NELFB: variants seen among roughly 807,000 people sequenced by gnomAD.
NELFB encodes the protein negative elongation factor B.
NELFB carries 34 observed loss-of-function variants against 60.2 expected under a neutral mutation model. That is an observed-to-expected ratio of 0.56 (90% confidence interval 0.43 to 0.75). The LOEUF (loss-of-function observed/expected upper bound fraction) is 0.75. Among genes scored for constraint, NELFB ranks in the 30% least tolerant of loss-of-function variants. The pLI is 0.00. For synonymous variants in NELFB, 459 were observed against 382.1 expected, an observed-to-expected ratio of 1.20 and a Z score of -2.35; for missense variants, 770 against 831.6, an observed-to-expected ratio of 0.93 and a Z score of 0.91.
intron 4 of NELFB, 115 bp downstream of exon 4, chr9:137,257,169 C>A: frequency 1.1e-6 from 1 of 902,802 alleles, no homozygotes; most frequent in Non-Finnish European, 1.7e-6. Flanking sequence ...GGTGGTTCTG[C>A]TTCTTGGCTG....
chr9:137,273,081 C>T lies in NELFB; in HGVS notation c.*153C>T. ...CCGTCATGGCCCCCTGCTTCCTGCTCCTTGGAGCTGGCTCCCGGACCTTGC... is the reference window on the plus strand; with the variant it reads ...CCGTCATGGCCCCCTGCTTCCTGCTTCTTGGAGCTGGCTCCCGGACCTTGC... On this transcript the variant is annotated 3_prime_UTR_variant, in exon 13 of 13. Transcript: ENST00000343053. 1.2e-6 allele frequency: 1 copy of T among 858,558 alleles called. No individual in the cohort carries two copies. Among genetic ancestry groups the T allele is most frequent in the Non-Finnish European group, 1.7e-6 (1 of 593,016 alleles). 53.2% of individuals were successfully genotyped at this position (858,558 alleles called of 1,614,324 possible). A position where few individuals can be genotyped will look rare whatever the true frequency, so the allele number is the denominator to read the frequency against.
chr9:137,270,449 C>T (rs1042964173), intron 10 of NELFB, among the ~76,000 whole-genome samples: 2 of 148,306 alleles, frequency 1.3e-5, no homozygotes, highest in Admixed American at 6.7e-5. Flanking sequence ...AAATTAGCCG[C>T]GTGTGTGACG....
intron 4 of NELFB, among the ~76,000 whole-genome samples, chr9:137,257,740 G>A (rs1462706985): frequency 6.6e-6 from 1 of 151,952 alleles, no homozygotes; most frequent in Non-Finnish European, 1.5e-5. Flanking sequence ...GACCTCAGGT[G>A]ATCCGCCCCC....
intron 4 of NELFB, among the ~76,000 whole-genome samples, chr9:137,261,607 A>G (rs1830447479): frequency 6.6e-6 from 1 of 151,198 alleles, no homozygotes; most frequent in Admixed American, 6.6e-5. Context: ...GCAGTGAACC[A>G]AGATCTTGCC....
rs1320588180 is a variant in NELFB, at chr9:137,265,919, G to A, written c.1083G>A (p.Thr361=). 22 of 1,613,098 alleles carry A rather than the reference G, an allele frequency of 1.4e-5. No homozygotes were observed. The highest frequency in any genetic ancestry group is 1.8e-5 in the Non-Finnish European group (21 of 1,179,938). The change falls in exon 7 of 13, where the codon ACG becomes ACA. Residue 361 remains threonine (T), a synonymous_variant. Coordinates refer to ENST00000343053, the MANE Select transcript of NELFB (RefSeq NM_015456.5). ...TGTGTGACCCCTTCGCCATCAACAC[G>A]CTGGCACTGAGCACAGTCAGGCACC... is the stretch of plus-strand genomic sequence containing the variant.
At chr9:137,256,729 G>A in intron 3 of NELFB, 95 bp from the exon 4 acceptor site, 4 of 1,166,980 alleles carry the variant, frequency 3.4e-6, no homozygotes, top group East Asian at 2.5e-5. Context: ...AGCTTAGCTC[G>A]AGGTGGTCTC....
intron 2 of NELFB, 100 bp from the exon 3 acceptor site, chr9:137,256,228 CG>C: frequency 7.3e-7 from 1 of 1,362,356 alleles, no homozygotes; most frequent in Non-Finnish European, 1.0e-6. Flanking sequence ...GTGTCCTGGG[CG>C]TGGAGGCTTG....
chr9:137,265,946 G>C lies in NELFB; in HGVS notation c.1110G>C (p.Leu370=). 1 of 1,613,062 alleles carries C rather than the reference G, an allele frequency of 6.2e-7. No individual in the cohort carries two copies. Among genetic ancestry groups the C allele is most frequent in the Non-Finnish European group, 8.5e-7 (1 of 1,179,874 alleles). ...TGGCACTGAGCACAGTCAGGCACCT[G>C]CAGGAGCTGGTCGGCCAGGAGACAC... Residue 370 remains leucine, a synonymous_variant, in exon 7 of 13, where the codon CTG becomes CTC. Coordinates refer to ENST00000343053, the MANE Select transcript of NELFB (RefSeq NM_015456.5).
At chr9:137,259,636 C>CTTTTATTTTTATTTTA (rs1830401948) in intron 4 of NELFB, among the ~76,000 whole-genome samples, 1 of 150,588 alleles carries the variant, frequency 6.6e-6, no homozygotes, top group Non-Finnish European at 1.5e-5. Context: ...GGTTGATTCT[C>CTTTTATTTTTATTTTA]TTTTATTTTT....
Position 137,272,986 on chromosome 9 carries a change from C to A in NELFB, c.*58C>A. 1 of 1,449,692 alleles carries A rather than the reference C, an allele frequency of 6.9e-7. No individual in the cohort carries two copies. The highest frequency in any genetic ancestry group is 1.4e-5 in the African/African-American group (1 of 70,058). 89.8% of individuals were successfully genotyped at this position (1,449,692 alleles called of 1,614,324 possible). On this transcript the variant is annotated 3_prime_UTR_variant, in exon 13 of 13. Coordinates refer to ENST00000343053, the MANE Select transcript of NELFB (RefSeq NM_015456.5). ...ATGCCGAGTCGCGGCCCTGCTCAGC[C>A]GGAAGAGGCTCCCGGACCTGGATGT... is the stretch of plus-strand genomic sequence containing the variant.
chr9:137,262,345 G>A (rs141991062), intron 4 of NELFB, among the ~76,000 whole-genome samples: 8 of 152,232 alleles, frequency 5.3e-5, no homozygotes, highest in South Asian at 4.1e-4. Context: ...GGCAACGGGC[G>A]TCTTCCCAGA....
intron 12 of NELFB, 46 bp from the exon 13 acceptor site, chr9:137,272,736 G>GGCCTGCCCATGCGCCTC (rs1416398456): frequency 1.3e-6 from 2 of 1,522,416 alleles, no homozygotes; most frequent in Non-Finnish European, 1.8e-6. Context: ...GTGCCCCCTG[G>GGCCTGCCCATGCGCCTC]GCCTGCCCAT....
Position 137,263,064 on chromosome 9 carries a change from G to C in NELFB, c.769G>C (p.Gly257Arg). ...GGTGCAGCGGCTGACGCGGATGGTG[G>C]GGAAGAACGTGAAGCTGTACGACAT... The change falls in exon 5 of 13, where the codon GGG becomes CGG. Residue 257 changes from glycine (G) to arginine (R), a missense_variant. Gly to Arg is a moderately radical substitution (Grantham distance 125). Transcript: ENST00000343053. 1 of 1,613,384 alleles carries C rather than the reference G, an allele frequency of 6.2e-7. No individual in the cohort carries two copies. Among genetic ancestry groups the C allele is most frequent in the Non-Finnish European group, 8.5e-7 (1 of 1,179,452 alleles).
rs1008321452 is a variant in NELFB at position 137,256,564 on chromosome 9, C to G, written c.510+136C>G. 9.9e-6 allele frequency: 8 copies of G among 812,146 alleles called. No homozygotes were observed. In the Admixed American group the frequency reaches 1.9e-4, roughly 20 times the overall value. 50.3% of individuals were successfully genotyped at this position (812,146 alleles called of 1,614,324 possible). A position where few individuals can be genotyped will look rare whatever the true frequency, so the allele number is the denominator to read the frequency against. On this transcript the variant is annotated intron_variant, in intron 3 of 12. Coordinates refer to ENST00000343053, the MANE Select transcript of NELFB (RefSeq NM_015456.5). Reference sequence around the variant, plus strand: ...GCCCAAGTGCTGTCCATGGTGAGCTCTGTGCTGACTTCTCCCACATGAGCC... The same window carrying G: ...GCCCAAGTGCTGTCCATGGTGAGCTGTGTGCTGACTTCTCCCACATGAGCC...
intron 6 of NELFB, among the ~76,000 whole-genome samples, chr9:137,264,886 C>T (rs1350892957): frequency 1.3e-5 from 2 of 152,212 alleles, no homozygotes; most frequent in Non-Finnish European, 2.9e-5. Context: ...TGGAGCCAGG[C>T]CCAGGGGCTG....
At chr9:137,267,152 G>A in intron 9 of NELFB, 66 bp downstream of exon 9, 22 of 1,611,900 alleles carry the variant, frequency 1.4e-5, no homozygotes, top group Non-Finnish European at 1.9e-5. Context: ...TGCCCAGGGG[G>A]CTGCCTCAGG....
chr9:137,271,783 G>A (rs1406841346), intron 10 of NELFB, among the ~76,000 whole-genome samples: 5 of 150,096 alleles, frequency 3.3e-5, no homozygotes, highest in Admixed American at 6.6e-5. Context: ...TCCTGTCCCC[G>A]GGCTGTCTCC....
chr9:137,273,387 G>C lies in NELFB; in HGVS notation c.*459G>C, dbSNP rs1830609442. On this transcript the variant is annotated 3_prime_UTR_variant, in exon 13 of 13. Coordinates refer to ENST00000343053, the MANE Select transcript of NELFB (RefSeq NM_015456.5). ...GCCTGTGCCATGGTGGGTGTCCTGG[G>C]GCCTGTGCGGAGGGAGCCACCTCAC... is the stretch of plus-strand genomic sequence containing the variant. The C allele has an allele frequency of 6.3e-6, 1 of 159,312 alleles. No homozygotes were observed. The highest frequency in any genetic ancestry group is 2.4e-5 in the African/African-American group (1 of 41,684). The allele number at this position is 159,312 out of a possible 1,614,324, so 9.9% of individuals were successfully genotyped here. A position where few individuals can be genotyped will look rare whatever the true frequency, so the allele number is the denominator to read the frequency against.
intron 4 of NELFB, among the ~76,000 whole-genome samples, chr9:137,261,887 G>C (rs935093187): frequency 2.6e-5 from 4 of 152,052 alleles, no homozygotes; most frequent in Non-Finnish European, 5.9e-5. Context: ...AAGAGGCAGG[G>C]TAAAGAGTGT....
Sources: gnomAD v4.1 joint callset for allele counts (sites outside exome capture counted in the v4.1 genomes callset) on GRCh38, gnomAD v4.1.1 for gene constraint, MANE v1.5 for transcripts, NCBI Gene and HGNC (gene_info 2026-07-23, HGNC 2026-07-21) for gene names.